Variants in TENM2 observed in about 807,000 individuals in gnomAD.
TENM2 encodes the protein teneurin-2.
A neutral mutation model predicts 245.2 loss-of-function variants in TENM2; 52 were observed. The ratio of observed to expected loss-of-function variants is 0.21; its 90% CI spans 0.17 to 0.27. The LOEUF (loss-of-function observed/expected upper bound fraction) is 0.27, where lower values mean the gene tolerates loss of function less well. TENM2 is among the 10% of genes least tolerant of loss of function. The pLI, the probability that TENM2 is intolerant of heterozygous loss-of-function variation, is 1.00. For missense variants in TENM2, 3,046 were observed against 3,666.8 expected (o/e 0.83, Z 4.37); for synonymous variants, 1,363 against 1,438.9 (o/e 0.95, Z 1.19).
chr5:168,088,777 C>A (rs796071305), intron 7 of TENM2, among the ~76,000 whole-genome samples: 6 of 152,110 alleles, frequency 3.9e-5, no homozygotes, highest in Admixed American at 3.9e-4. Flanking sequence ...GATGGCAAAG[C>A]CTTTGTGTTT....
intron 11 of TENM2, among the ~76,000 whole-genome samples, chr5:168,125,960 T>C (rs554856387): frequency 6.6e-6 from 1 of 152,230 alleles, no homozygotes; most frequent in South Asian, 2.1e-4. Flanking sequence ...CGGCCTGGTC[T>C]TCCTTCACCT....
the TENM2 span, among the ~76,000 whole-genome samples, chr5:167,042,359 T>C: frequency 6.6e-6 from 1 of 152,204 alleles, no homozygotes; most frequent in Non-Finnish European, 1.5e-5. Flanking sequence ...CACGTTTGTA[T>C]CTCTGGAGGT....
chr5:167,185,098 T>C, the TENM2 span, among the ~76,000 whole-genome samples: 1 of 152,164 alleles, frequency 6.6e-6, no homozygotes, highest in Non-Finnish European at 1.5e-5. Context: ...TATATGTTCA[T>C]ACACACATAT....
chr5:167,745,919 G>C (rs908231608), intron 2 of TENM2, among the ~76,000 whole-genome samples: 1 of 152,128 alleles, frequency 6.6e-6, no homozygotes, highest in Admixed American at 6.6e-5. Context: ...CCAATTTGGG[G>C]CTCTTATGAT....
chr5:167,328,214 T>G (rs1313631898), intron 1 of TENM2, among the ~76,000 whole-genome samples: 3 of 148,792 alleles, frequency 2.0e-5, no homozygotes, highest in East Asian at 2.0e-4. Context: ...GTTTTTTTTT[T>G]TTTTTTTTTT....
chr5:167,784,844 T>C (rs1171752850), intron 2 of TENM2, among the ~76,000 whole-genome samples: 1 of 152,242 alleles, frequency 6.6e-6, no homozygotes, highest in African/African-American at 2.4e-5. Flanking sequence ...GTTTGTGTTA[T>C]TTGGGTTTCA....
At chr5:167,199,831 A>C in the TENM2 span, among the ~76,000 whole-genome samples, 1 of 152,130 alleles carries the variant, frequency 6.6e-6, no homozygotes, top group Admixed American at 6.6e-5. Context: ...AGTATTTTAA[A>C]TGCTGATGGA....
At chr5:167,431,961 G>GTATGTATATATATATGTA (rs1764269740) in intron 2 of TENM2, among the ~76,000 whole-genome samples, 1 of 43,602 alleles carries the variant, frequency 2.3e-5, no homozygotes, top group African/African-American at 5.1e-5. Context: ...ATATATATAT[G>GTATGTATATATATATGTA]TATATATATA....
intron 2 of TENM2, among the ~76,000 whole-genome samples, chr5:167,415,331 G>T (rs1433103912): frequency 6.6e-6 from 1 of 151,878 alleles, no homozygotes; most frequent in African/African-American, 2.4e-5. Flanking sequence ...ATGCATATTT[G>T]TAGCATGTAT....
intron 25 of TENM2, among the ~76,000 whole-genome samples, chr5:168,235,034 G>A (rs1243235628): frequency 1.3e-5 from 2 of 152,142 alleles, no homozygotes; most frequent in African/African-American, 2.4e-5. Flanking sequence ...GGAGGTGGGG[G>A]GATGGGCGTG....
intron 2 of TENM2, among the ~76,000 whole-genome samples, chr5:167,646,199 T>TTATATATATA (rs1491521603): frequency 3.7e-5 from 4 of 107,866 alleles, no homozygotes; most frequent in African/African-American, 1.4e-4. Context: ...TATGTTGTTT[T>TTATATATATA]CATATATATA....
chr5:167,754,762 AC>A (rs1260539171), intron 2 of TENM2, among the ~76,000 whole-genome samples: 2 of 150,116 alleles, frequency 1.3e-5, no homozygotes, highest in African/African-American at 2.4e-5. Flanking sequence ...AACAACGTTA[AC>A]CCAGAAAGAT....
chr5:167,013,642 G>C, the TENM2 span, among the ~76,000 whole-genome samples: 1 of 152,128 alleles, frequency 6.6e-6, no homozygotes, highest in African/African-American at 2.4e-5. Flanking sequence ...AGAGAGGGGA[G>C]GTTGCAGTGA....
chr5:168,084,953 C>A (rs1792317389), intron 7 of TENM2, among the ~76,000 whole-genome samples: 1 of 152,194 alleles, frequency 6.6e-6, no homozygotes, highest in South Asian at 2.1e-4. Flanking sequence ...CAAACCAGGC[C>A]AGCCACCAGA....
In TENM2 at chr5:167,375,399, G is replaced by T. The variant is rs1466072385; in HGVS notation, c.428G>T (p.Gly143Val). 19 of 1,551,576 alleles carry T rather than the reference G, an allele frequency of 1.2e-5. No homozygotes were observed. Among genetic ancestry groups the T allele is most frequent in the African/African-American group, 2.7e-5 (2 of 73,050 alleles). Reference sequence around the variant, plus strand: ...GGGATAAAATCCAGGCGCAGTTCCGGCCTGTCCAGTCGTGAAAACTCGGCC... The same window carrying T: ...GGGATAAAATCCAGGCGCAGTTCCGTCCTGTCCAGTCGTGAAAACTCGGCC... Residue 143 changes from glycine to valine, a missense_variant, in exon 2 of 29, where the codon GGC (glycine) becomes GTC (valine). Gly to Val is a moderately radical substitution (Grantham distance 109, BLOSUM62 -3). This residue lies in a region of TENM2 where 342 missense variants were observed against 335.0 expected (regional missense o/e 1.02). Coordinates refer to ENST00000518659, the Ensembl canonical transcript of TENM2.
intron 13 of TENM2, among the ~76,000 whole-genome samples, chr5:168,182,284 A>G (rs1759975629): frequency 6.6e-6 from 1 of 152,226 alleles, no homozygotes; most frequent in African/African-American, 2.4e-5. Context: ...CAGCAGGCGT[A>G]GGGTAAAATG....
chr5:167,507,020 ATAT>A (rs1419913696), intron 2 of TENM2, among the ~76,000 whole-genome samples: 1 of 152,208 alleles, frequency 6.6e-6, no homozygotes, highest in Non-Finnish European at 1.5e-5. Context: ...TTATGAATAC[ATAT>A]TATTAAAACC....
At chr5:168,086,083 G>A (rs753686336) in intron 7 of TENM2, among the ~76,000 whole-genome samples, 25 of 152,238 alleles carry the variant, frequency 1.6e-4, no homozygotes, top group East Asian at 1.2e-3. Context: ...ACATCTTCCC[G>A]AAGGGCAATG....
At chr5:167,019,262 C>G in the TENM2 span, among the ~76,000 whole-genome samples, 6 of 152,048 alleles carry the variant, frequency 3.9e-5, no homozygotes, top group African/African-American at 1.2e-4. Flanking sequence ...TAGAGAAGGA[C>G]TTTCCAAACA....
Sources: gnomAD v4.1 joint callset for allele counts (sites outside exome capture counted in the v4.1 genomes callset) on GRCh38, gnomAD v4.1.1 for gene constraint, gnomAD v4.1.1 regional missense constraint, MANE v1.5 for transcripts, NCBI Gene and HGNC (gene_info 2026-07-23, HGNC 2026-07-21) for gene names.